The following RAB39A variants were observed in gnomAD, a reference collection of about 807,000 sequenced individuals.
RAB39A encodes the protein RAB39A, member RAS oncogene family, also known as ras-related protein Rab-39A.
Under a neutral mutation model 20.9 loss-of-function variants are expected in RAB39A, and 17 were observed. The observed-to-expected ratio is 0.81, with a 90% CI of 0.56 to 1.22. The LOEUF is 1.22. RAB39A is among the 50% of genes most tolerant of loss of function. The pLI, the probability that RAB39A is intolerant of heterozygous loss-of-function variation, is 0.00. For synonymous variants in RAB39A, 99 were observed against 103.4 expected (o/e 0.96, Z 0.26); for missense variants, 234 against 270.5 (o/e 0.87, Z 0.95).
At chr11:107,953,269 AT>A (rs1861400309) in intron 1 of RAB39A, among the ~76,000 whole-genome samples, 1 of 151,972 alleles carries the variant, frequency 6.6e-6, no homozygotes, top group Non-Finnish European at 1.5e-5. Flanking sequence ...GTTTTGTACC[AT>A]TTTTTTCTTA....
chr11:107,941,147 C>T (rs548198893), intron 1 of RAB39A, among the ~76,000 whole-genome samples: 17 of 152,048 alleles, frequency 1.1e-4, no homozygotes, highest in Non-Finnish European at 2.2e-4. Flanking sequence ...TATTAATAGA[C>T]GTAATTTGAG....
chr11:107,946,468 T>A (rs1351782198), intron 1 of RAB39A, among the ~76,000 whole-genome samples: 14 of 46,690 alleles, frequency 3.0e-4, no homozygotes, highest in Middle Eastern at 8.6e-3. Flanking sequence ...ATATTTTTTT[T>A]TTTTTTTTTT....
rs533998696 is a variant in RAB39A at position 107,961,148 on chromosome 11, T to C, written c.228-798T>C. ...CTGTCTTCGTGAGTTTGGGCTGTTATAACAAATTACCACAGAATGGGGATT... is the reference window on the plus strand; with the variant it reads ...CTGTCTTCGTGAGTTTGGGCTGTTACAACAAATTACCACAGAATGGGGATT... On this transcript the variant is annotated intron_variant, in intron 1 of 1. Transcript: ENST00000320578. Among the ~76,000 whole-genome samples, 6 of 152,326 alleles carry C rather than the reference T, an allele frequency of 3.9e-5. No homozygotes were observed. The South Asian group carries it at 1.2e-3, about 32-fold the overall frequency.
intron 1 of RAB39A, among the ~76,000 whole-genome samples, chr11:107,951,303 CA>C (rs1363092303): frequency 6.6e-6 from 1 of 152,160 alleles, no homozygotes; most frequent in Non-Finnish European, 1.5e-5. Context: ...AGCATCAACA[CA>C]ATGACTGTTC....
At chr11:107,958,168 A>T (rs530555913) in intron 1 of RAB39A, among the ~76,000 whole-genome samples, 124 of 152,288 alleles carry the variant, frequency 8.1e-4, no homozygotes, top group African/African-American at 2.6e-3. Context: ...CTGGGATTAC[A>T]GGTGAGAGCC....
intron 1 of RAB39A, among the ~76,000 whole-genome samples, chr11:107,944,659 A>AT (rs1421466426): frequency 6.6e-6 from 1 of 152,076 alleles, no homozygotes; most frequent in African/African-American, 2.4e-5. Context: ...TGCTGGGATT[A>AT]TAGCCGTGAG....
At chr11:107,945,107 C>T (rs571131315) in intron 1 of RAB39A, among the ~76,000 whole-genome samples, 207 of 151,836 alleles carry the variant, frequency 1.4e-3, no homozygotes, top group Non-Finnish European at 2.5e-3. Context: ...CGCTTGAACC[C>T]CAGGGGGCGG....
intron 1 of RAB39A, among the ~76,000 whole-genome samples, chr11:107,945,149 A>G (rs1167662686): frequency 3.3e-5 from 5 of 150,622 alleles, no homozygotes; most frequent in Non-Finnish European, 7.4e-5. Flanking sequence ...GTGCCACTAC[A>G]TTCTAGCCTA....
chr11:107,949,454 G>A (rs967053865), intron 1 of RAB39A, among the ~76,000 whole-genome samples: 9 of 152,038 alleles, frequency 5.9e-5, no homozygotes, highest in African/African-American at 1.9e-4. Context: ...GAAATCATAC[G>A]AAACAAAGCC....
Position 107,928,575 on chromosome 11 carries a change from AC to A in RAB39A, c.9del (p.Ile4SerfsTer10). On this transcript the variant is annotated frameshift_variant, in exon 1 of 2. Coordinates refer to ENST00000320578, the MANE Select transcript of RAB39A (RefSeq NM_017516.3). LOFTEE classifies it high-confidence loss of function. The surrounding 1 kb of genome is among the most constrained non-coding windows in gnomAD (Gnocchi z 4.9). ME[T>X]IWIYQFRLIV... ...CCAGCGGGGCACGTGAGCGATGGAGACCATCTGGATCTACCAGTTCCGCCTC... is the reference window on the plus strand; with the variant it reads ...CCAGCGGGGCACGTGAGCGATGGAGACATCTGGATCTACCAGTTCCGCCTC... 1 of 1,509,456 alleles carries A rather than the reference AC, an allele frequency of 6.6e-7. No homozygotes were observed. The highest frequency in any genetic ancestry group is 1.3e-5 in the South Asian group (1 of 77,418). 93.5% of individuals were successfully genotyped at this position (1,509,456 alleles called of 1,614,324 possible). A position where few individuals can be genotyped will look rare whatever the true frequency, so the allele number is the denominator to read the frequency against.
chr11:107,933,766 T>C (rs1861165026), intron 1 of RAB39A, among the ~76,000 whole-genome samples: 1 of 151,636 alleles, frequency 6.6e-6, no homozygotes, highest in African/African-American at 2.4e-5. Context: ...GTCCAAGCGA[T>C]TCTCCTGCCT....
rs754295148 is a variant in RAB39A, at chr11:107,928,813, C to T, written c.227+18C>T. ...CGGTTCAGGTAGGGACCCCGGGGAC[C>T]TTGGGCACCGCGCCGCCCCCTCAGC... On this transcript the variant is annotated intron_variant, in intron 1 of 1. Coordinates refer to ENST00000320578, the MANE Select transcript of RAB39A (RefSeq NM_017516.3). The surrounding 1 kb of genome is among the most constrained non-coding windows in gnomAD (Gnocchi z 4.9). 1.7e-5 allele frequency: 26 copies of T among 1,497,572 alleles called. No homozygotes were observed. Among genetic ancestry groups the T allele is most frequent in the Non-Finnish European group, 2.0e-5 (22 of 1,109,806 alleles). The allele number at this position is 1,497,572 out of a possible 1,614,324, so 92.8% of individuals were successfully genotyped here. A position where few individuals can be genotyped will look rare whatever the true frequency, so the allele number is the denominator to read the frequency against.
chr11:107,960,209 CA>C (rs57337416), intron 1 of RAB39A, among the ~76,000 whole-genome samples: 13,004 of 116,266 alleles, frequency 0.11, 730 homozygotes, highest in African/African-American at 0.21. Context: ...GACTCCATCT[CA>C]AAAAAAAAAA....
chr11:107,952,188 A>G (rs1861387945), intron 1 of RAB39A, among the ~76,000 whole-genome samples: 1 of 152,250 alleles, frequency 6.6e-6, no homozygotes, highest in Non-Finnish European at 1.5e-5. Flanking sequence ...TGAATAAAGT[A>G]TGGCATATAC....
rs768521476 is a variant in RAB39A, at chr11:107,928,547, G to A, written c.-22G>A. On this transcript the variant is annotated 5_prime_UTR_variant, in exon 1 of 2. Transcript: ENST00000320578. This position sits in a 1 kb window ranked among gnomAD's most constrained non-coding sequence, Gnocchi z 4.9. Reference sequence around the variant, plus strand: ...TTAGCCCGCGGGTGGGGCGGCCCGGGAGCCAGCGGGGCACGTGAGCGATGG... The same window carrying A: ...TTAGCCCGCGGGTGGGGCGGCCCGGAAGCCAGCGGGGCACGTGAGCGATGG... 1.4e-6 allele frequency: 2 copies of A among 1,432,188 alleles called. No homozygotes were observed. The highest frequency in any genetic ancestry group is 2.5e-5 in the East Asian group (1 of 39,348). The allele number at this position is 1,432,188 out of a possible 1,614,324, so 88.7% of individuals were successfully genotyped here. A position where few individuals can be genotyped will look rare whatever the true frequency, so the allele number is the denominator to read the frequency against.
At chr11:107,934,048 G>T (rs1016430071) in intron 1 of RAB39A, among the ~76,000 whole-genome samples, 4 of 152,208 alleles carry the variant, frequency 2.6e-5, no homozygotes, top group Middle Eastern at 6.8e-3. Context: ...CATATCAAAG[G>T]CTCGAAGAAG....
rs2134942770 is a variant in RAB39A, at chr11:107,928,916, GT to G, written c.227+122del. 1 of 687,636 alleles carries G rather than the reference GT, an allele frequency of 1.5e-6. No homozygotes were observed. Among genetic ancestry groups the G allele is most frequent in the Non-Finnish European group, 2.3e-6 (1 of 437,858 alleles). 42.6% of individuals were successfully genotyped at this position (687,636 alleles called of 1,614,324 possible). A position where few individuals can be genotyped will look rare whatever the true frequency, so the allele number is the denominator to read the frequency against. ...AGGCTCTGGCCCTTCCCTCTCGAAA[GT>G]GCAAACACTCCATTCTCGCTTCCCC... is the stretch of plus-strand genomic sequence containing the variant. On this transcript the variant is annotated intron_variant, in intron 1 of 1. Transcript: ENST00000320578. This position sits in a 1 kb window ranked among gnomAD's most constrained non-coding sequence, Gnocchi z 4.9.
intron 1 of RAB39A, among the ~76,000 whole-genome samples, chr11:107,952,869 G>A (rs1488901838): frequency 6.6e-6 from 1 of 152,120 alleles, no homozygotes; most frequent in Non-Finnish European, 1.5e-5. Flanking sequence ...GTGACAGAAC[G>A]AGACTCCGTC....
In RAB39A at chr11:107,962,865, TC is replaced by T. The variant is rs1319207944; in HGVS notation, c.*497del. On this transcript the variant is annotated 3_prime_UTR_variant, in exon 2 of 2. Coordinates refer to ENST00000320578, the MANE Select transcript of RAB39A (RefSeq NM_017516.3). ...TCCTTATATAAAGTACCAGGTTTTT[TC>T]CCCATTCTCTGGAAATGTTTGTCCT... is the stretch of plus-strand genomic sequence containing the variant. The T allele has an allele frequency of 1.3e-5, 2 of 152,244 alleles. No homozygotes were observed. The highest frequency in any genetic ancestry group is 2.9e-5 in the Non-Finnish European group (2 of 68,084). 9.4% of individuals were successfully genotyped at this position (152,244 alleles called of 1,614,324 possible).
Sources: gnomAD v4.1 joint callset for allele counts (sites outside exome capture counted in the v4.1 genomes callset) on GRCh38, gnomAD v4.1.1 for gene constraint, Gnocchi (gnomAD v3.1) non-coding constraint, MANE v1.5 for transcripts, NCBI Gene and HGNC (gene_info 2026-07-23, HGNC 2026-07-21) for gene names.